NPTXR: variants seen among roughly 807,000 people sequenced by gnomAD.
The protein encoded by NPTXR is neuronal pentraxin receptor.
In NPTXR, 12 loss-of-function variants were observed where a neutral mutation model predicts 32.2. The observed-to-expected ratio is 0.37, with a 90% confidence interval of 0.24 to 0.60. The LOEUF is 0.60. NPTXR is among the 20% of genes least tolerant of loss of function. The pLI, the probability that NPTXR is intolerant of heterozygous loss-of-function variation, is 0.66. For synonymous variants in NPTXR, 323 were observed against 315.8 expected (o/e 1.02, Z -0.24); for missense variants, 612 against 682.9 (o/e 0.90, Z 1.16).
In NPTXR at chr22:38,819,079, T is replaced by A. The variant is rs1051349015; in HGVS notation, c.*3530A>T. 1 of 152,192 alleles carries A rather than the reference T, an allele frequency of 6.6e-6. No individual in the cohort carries two copies. The highest frequency in any genetic ancestry group is 1.5e-5 in the Non-Finnish European group (1 of 68,066). The allele number at this position is 152,192 out of a possible 1,614,324, so 9.4% of individuals were successfully genotyped here. ...ATCTGTGGTCCCAGGTGATGCAAAG[T>A]GGTGGCAAGGGGATTGGTCCCCTTG... On this transcript the variant is annotated 3_prime_UTR_variant, in exon 5 of 5. Coordinates refer to ENST00000333039, the MANE Select transcript of NPTXR (RefSeq NM_014293.4).
chr22:38,833,052 G>A (rs2146196235), intron 1 of NPTXR, among the ~76,000 whole-genome samples: 1 of 151,922 alleles, frequency 6.6e-6, no homozygotes, highest in Middle Eastern at 3.4e-3. Context: ...GAAGGCAGGT[G>A]CAGGACTCCA....
At chr22:38,824,919 C>T (rs1051683458) in intron 3 of NPTXR, among the ~76,000 whole-genome samples, 1 of 152,158 alleles carries the variant, frequency 6.6e-6, no homozygotes, top group Non-Finnish European at 1.5e-5. Flanking sequence ...GCACCTTCTG[C>T]TAAGCTGGGT....
At chr22:38,824,330 C>G (rs933062242) in intron 3 of NPTXR, among the ~76,000 whole-genome samples, 5 of 152,034 alleles carry the variant, frequency 3.3e-5, no homozygotes, top group African/African-American at 1.2e-4. Context: ...CTGAGGCCTA[C>G]GTGGTGCCTG....
chr22:38,820,662 C>T lies in NPTXR; in HGVS notation c.*1947G>A, dbSNP rs2235135. The T allele has an allele frequency of 0.42, 63,726 of 151,990 alleles. 13,569 individuals are homozygous for T. The highest frequency in any genetic ancestry group is 0.55 in the Admixed American group (8,426 of 15,274). The allele number at this position is 151,990 out of a possible 1,614,324, so 9.4% of individuals were successfully genotyped here. A position where few individuals can be genotyped will look rare whatever the true frequency, so the allele number is the denominator to read the frequency against. ...GGTGTCATGTTGGAAAGCATCTGAC[C>T]TCGCGGATGTCTACCTGCTTAGGTG... On this transcript the variant is annotated 3_prime_UTR_variant, in exon 5 of 5. Transcript: ENST00000333039.
intron 1 of NPTXR, among the ~76,000 whole-genome samples, chr22:38,840,201 T>G (rs1337985854): frequency 6.6e-6 from 1 of 151,090 alleles, no homozygotes; most frequent in Non-Finnish European, 1.5e-5. Context: ...AGCAGGGAAG[T>G]GTGATGATTA....
chr22:38,839,200 G>A (rs1256866573), intron 1 of NPTXR, among the ~76,000 whole-genome samples: 2 of 152,242 alleles, frequency 1.3e-5, no homozygotes, highest in Admixed American at 1.3e-4. Flanking sequence ...TGTGGTTTAT[G>A]CCAAAGAAAT....
intron 1 of NPTXR, among the ~76,000 whole-genome samples, chr22:38,830,912 C>T (rs555392156): frequency 2.6e-5 from 4 of 152,326 alleles, no homozygotes; most frequent in South Asian, 2.1e-4. Context: ...TAAGAGGTCA[C>T]GGCCTCCCAG....
At chr22:38,829,875 T>A (rs993922269) in intron 1 of NPTXR, among the ~76,000 whole-genome samples, 5 of 152,218 alleles carry the variant, frequency 3.3e-5, no homozygotes, top group Admixed American at 6.5e-5. Flanking sequence ...GGGACAAGTA[T>A]AGAATCCCCT....
At chr22:38,822,877 G>A in intron 4 of NPTXR, 44 bp from the exon 5 acceptor site, 1 of 1,572,352 alleles carries the variant, frequency 6.4e-7, no homozygotes, top group Non-Finnish European at 8.7e-7. Flanking sequence ...ATGGAGTGAG[G>A]GAGCAGAAAA....
rs1347371160 is a variant in NPTXR, at chr22:38,843,267, G to A, written c.592C>T (p.Arg198Cys). 1.4e-6 allele frequency: 2 copies of A among 1,426,328 alleles called. No individual in the cohort carries two copies. Among genetic ancestry groups the A allele is most frequent in the Non-Finnish European group, 1.8e-6 (2 of 1,096,098 alleles). 88.4% of individuals were successfully genotyped at this position (1,426,328 alleles called of 1,614,324 possible). The change falls in exon 1 of 5, where the codon CGC (arginine) becomes TGC (cysteine). Residue 198 changes from arginine to cysteine, a missense_variant. By Grantham distance (180) the Arg-to-Cys change is radical (BLOSUM62 -3). Coordinates refer to ENST00000333039, the MANE Select transcript of NPTXR (RefSeq NM_014293.4). The surrounding 1 kb of genome is among the most constrained non-coding windows in gnomAD (Gnocchi z 5.3). The stretch of plus-strand genomic sequence containing the variant: ...CGGTCGATGCGGTCCCGCAGGGCGC[G>A]CACGGCGTCCTCCAGCTCCAGAATG...
chr22:38,843,251 C>A lies in NPTXR; in HGVS notation c.608G>T (p.Arg203Leu). 2 of 1,402,136 alleles carry A rather than the reference C, an allele frequency of 1.4e-6. No homozygotes were observed. Among genetic ancestry groups the A allele is most frequent in the Middle Eastern group, 2.6e-4 (1 of 3,872 alleles). The allele number at this position is 1,402,136 out of a possible 1,614,324, so 86.9% of individuals were successfully genotyped here. The change falls in exon 1 of 5, where the codon CGC becomes CTC. Residue 203 changes from arginine (R) to leucine (L), a missense_variant. Physicochemically the swap from Arg to Leu is moderately radical, Grantham distance 102. Coordinates refer to ENST00000333039, the MANE Select transcript of NPTXR (RefSeq NM_014293.4). The surrounding 1 kb of genome is among the most constrained non-coding windows in gnomAD (Gnocchi z 5.3). ...GGCGCTCACCTCCAGGCGGTCGATG[C>A]GGTCCCGCAGGGCGCGCACGGCGTC...
chr22:38,822,456 G>A lies in NPTXR; in HGVS notation c.*153C>T. On this transcript the variant is annotated 3_prime_UTR_variant, in exon 5 of 5. Transcript: ENST00000333039. ...ACACACTCGCAGGGCAGGGCATTCTGGAGGTGTGGGTACAGGTGAGGGGAA... is the reference window on the plus strand; with the variant it reads ...ACACACTCGCAGGGCAGGGCATTCTAGAGGTGTGGGTACAGGTGAGGGGAA... The A allele has an allele frequency of 1.5e-6, 1 of 663,508 alleles. No individual in the cohort carries two copies. The highest frequency in any genetic ancestry group is 2.6e-6 in the Non-Finnish European group (1 of 377,566). The allele number at this position is 663,508 out of a possible 1,614,324, so 41.1% of individuals were successfully genotyped here.
intron 1 of NPTXR, among the ~76,000 whole-genome samples, chr22:38,840,049 T>C (rs1302032287): frequency 6.6e-6 from 1 of 152,054 alleles, no homozygotes; most frequent in Non-Finnish European, 1.5e-5. Flanking sequence ...ACAACACAAA[T>C]AAAAATGGAA....
intron 1 of NPTXR, among the ~76,000 whole-genome samples, chr22:38,832,278 C>T (rs1168301060): frequency 5.9e-5 from 9 of 152,326 alleles, no homozygotes; most frequent in Admixed American, 1.3e-4. Flanking sequence ...CTGCTGTGGG[C>T]GCAGGCTGTG....
At chr22:38,838,249 G>A (rs573291157) in intron 1 of NPTXR, among the ~76,000 whole-genome samples, 3 of 152,150 alleles carry the variant, frequency 2.0e-5, no homozygotes, top group South Asian at 2.1e-4. Flanking sequence ...TGAAGCTGGT[G>A]GGGGGCGGGG....
rs1603246223 is a variant in NPTXR at position 38,835,288 on chromosome 22, T to C, written c.625-6776A>G. ...CCACCAGCTCTTGCCAAGGTGGAAGTTTGGGGTCAGGAAGCCTTCTCAGAG... is the reference window on the plus strand; with the variant it reads ...CCACCAGCTCTTGCCAAGGTGGAAGCTTGGGGTCAGGAAGCCTTCTCAGAG... On this transcript the variant is annotated intron_variant, in intron 1 of 4. Coordinates refer to ENST00000333039, the MANE Select transcript of NPTXR (RefSeq NM_014293.4). Among the ~76,000 whole-genome samples the C allele has an allele frequency of 3.3e-5, 5 of 152,136 alleles. No homozygotes were observed. The South Asian group carries it at 1.0e-3, about 32-fold the overall frequency.
intron 1 of NPTXR, among the ~76,000 whole-genome samples, chr22:38,829,975 C>T (rs1005610151): frequency 2.6e-5 from 4 of 152,176 alleles, no homozygotes; most frequent in South Asian, 2.1e-4. Flanking sequence ...CTGAGGGCCG[C>T]GTGTTCCTTC....
intron 1 of NPTXR, among the ~76,000 whole-genome samples, chr22:38,829,822 T>G (rs1012477235): frequency 6.6e-6 from 1 of 152,228 alleles, no homozygotes; most frequent in Non-Finnish European, 1.5e-5. Flanking sequence ...GAACCCCACC[T>G]TTCCTCAGTT....
At chr22:38,824,708 C>T (rs2093103628) in intron 3 of NPTXR, among the ~76,000 whole-genome samples, 1 of 152,194 alleles carries the variant, frequency 6.6e-6, no homozygotes, top group African/African-American at 2.4e-5. Flanking sequence ...TGCTGAATTC[C>T]TTCTAATGAG....
Sources: gnomAD v4.1 joint callset for allele counts (sites outside exome capture counted in the v4.1 genomes callset) on GRCh38, gnomAD v4.1.1 for gene constraint, Gnocchi (gnomAD v3.1) non-coding constraint, MANE v1.5 for transcripts, NCBI Gene and HGNC (gene_info 2026-07-23, HGNC 2026-07-21) for gene names.